Variants in MEIKIN observed in about 807,000 individuals in gnomAD.
MEIKIN encodes the protein meiotic kinetochore factor.
At chr5:131,928,904 A>G (rs1472559208) in intron 5 of MEIKIN, among the ~76,000 whole-genome samples, 1 of 152,164 alleles carries the variant, frequency 6.6e-6, no homozygotes, top group Non-Finnish European at 1.5e-5. Context: ...TATCTTTACC[A>G]ATGAGTCTTA....
chr5:131,869,639 C>T (rs150720254), intron 9 of MEIKIN, among the ~76,000 whole-genome samples: 1 of 152,322 alleles, frequency 6.6e-6, no homozygotes, highest in East Asian at 1.9e-4. Context: ...CTTTCTCTTC[C>T]CACTGCTAGA....
chr5:131,940,810 G>A (rs975615965), intron 4 of MEIKIN, among the ~76,000 whole-genome samples: 11 of 151,998 alleles, frequency 7.2e-5, no homozygotes, highest in Non-Finnish European at 1.3e-4. Flanking sequence ...GAAGTCTCAC[G>A]GTTCAGAGAG....
At chr5:131,828,055 A>G (rs889448770) in intron 11 of MEIKIN, among the ~76,000 whole-genome samples, 108 of 151,980 alleles carry the variant, frequency 7.1e-4, no homozygotes, top group African/African-American at 2.4e-3. Context: ...AAAAAAAATT[A>G]AGATTAGAAG....
intron 8 of MEIKIN, among the ~76,000 whole-genome samples, chr5:131,902,866 A>C (rs997956244): frequency 6.6e-6 from 1 of 152,200 alleles, no homozygotes; most frequent in African/African-American, 2.4e-5. Context: ...ATCGACATAC[A>C]GTAGAAAGTC....
chr5:131,823,298 C>T (rs184637347), intron 11 of MEIKIN, among the ~76,000 whole-genome samples: 1 of 152,036 alleles, frequency 6.6e-6, no homozygotes, highest in Non-Finnish European at 1.5e-5. Context: ...CTTTCTCTAC[C>T]TCCTCTTTAA....
intron 2 of MEIKIN, 22 bp from the exon 3 acceptor site, chr5:131,944,774 T>C (rs1580606843): frequency 2.5e-6 from 1 of 399,042 alleles, no homozygotes; most frequent in Non-Finnish European, 4.4e-6. Context: ...ACAACGCAAT[T>C]AGTTTGCACC....
chr5:131,833,487 G>T (rs1749747594), intron 11 of MEIKIN, among the ~76,000 whole-genome samples: 1 of 152,162 alleles, frequency 6.6e-6, no homozygotes, highest in Admixed American at 6.5e-5. Flanking sequence ...TCCAACTTCT[G>T]CCTGATACCC....
Position 131,821,630 on chromosome 5 carries a change from C to CTTTT in MEIKIN, c.976-2771_976-2768dup, listed in dbSNP as rs375765946. Among the ~76,000 whole-genome samples, 94 of 50,444 alleles carry CTTTT rather than the reference C, an allele frequency of 1.9e-3. 24 individuals carry two copies. Among genetic ancestry groups the CTTTT allele is most frequent in the African/African-American group, 0.011 (87 of 8,282 alleles). The allele number at this position is 50,444 out of a possible 152,430, so 33.1% of individuals were successfully genotyped here. A position where few individuals can be genotyped will look rare whatever the true frequency, so the allele number is the denominator to read the frequency against. On this transcript the variant is annotated intron_variant, in intron 11 of 12. Transcript: ENST00000442687. Reference sequence around the variant, plus strand: ...TAGCTATTGTTATATTGAGGTCTGCCTTTTTTTTTTTTTTTTTTTTTTTTT... The same window carrying CTTTT: ...TAGCTATTGTTATATTGAGGTCTGCCTTTTTTTTTTTTTTTTTTTTTTTTTTTTT...
At position 131,945,261 on chromosome 5, in the gene MEIKIN, C is replaced by A. The variant is rs1243444528; in HGVS notation, c.107-12G>T. The A allele has an allele frequency of 1.3e-5, 5 of 399,012 alleles. No individual in the cohort carries two copies. The highest frequency in any genetic ancestry group is 2.2e-5 in the Non-Finnish European group (5 of 226,134). The allele number at this position is 399,012 out of a possible 1,614,324, so 24.7% of individuals were successfully genotyped here. On this transcript the variant is annotated splice_polypyrimidine_tract_variant and intron_variant, in intron 1 of 12. Coordinates refer to ENST00000442687, the MANE Select transcript of MEIKIN (RefSeq NM_001303622.2). ...TTTTCTCTTCGAACCTGAGAGAGGG[C>A]GGCACGTTTCAGGGCAAGAAACCTA...
At position 131,929,032 on chromosome 5, in the gene MEIKIN, C is replaced by T. The variant is rs867423879; in HGVS notation, c.478+4481G>A. Among the ~76,000 whole-genome samples, 22 of 152,318 alleles carry T rather than the reference C, an allele frequency of 1.4e-4. 1 individual carries two copies. The Middle Eastern group carries it at 0.027, about 188-fold the overall frequency. ...CCTCTGCTTTTGTTTGTCTGGGAAACTCCTTGTCTCTCCATTTTTGAAAGA... is the reference window on the plus strand; with the variant it reads ...CCTCTGCTTTTGTTTGTCTGGGAAATTCCTTGTCTCTCCATTTTTGAAAGA... On this transcript the variant is annotated intron_variant, in intron 5 of 12. Transcript: ENST00000442687.
chr5:131,849,833 G>A (rs143656149), intron 11 of MEIKIN, among the ~76,000 whole-genome samples: 4 of 151,834 alleles, frequency 2.6e-5, no homozygotes, highest in South Asian at 2.1e-4. Flanking sequence ...GCAATTAGGC[G>A]ATTAGGAAAA....
intron 7 of MEIKIN, among the ~76,000 whole-genome samples, chr5:131,915,983 A>C (rs1462946475): frequency 1.3e-5 from 2 of 152,188 alleles, no homozygotes; most frequent in Non-Finnish European, 2.9e-5. Flanking sequence ...GGATCTACAA[A>C]GAAGTTATCG....
intron 5 of MEIKIN, among the ~76,000 whole-genome samples, chr5:131,924,861 A>G (rs1751563434): frequency 6.6e-6 from 1 of 152,084 alleles, no homozygotes; most frequent in Non-Finnish European, 1.5e-5. Flanking sequence ...CTTGTTGCCT[A>G]TACTTTTGGT....
chr5:131,898,554 G>A (rs779658871), intron 8 of MEIKIN, among the ~76,000 whole-genome samples: 70 of 152,352 alleles, frequency 4.6e-4, no homozygotes, highest in Middle Eastern at 3.4e-3. Flanking sequence ...GACGCAGTAA[G>A]CCTTGCTGAG....
intron 8 of MEIKIN, among the ~76,000 whole-genome samples, chr5:131,906,059 GC>G (rs1335973877): frequency 6.6e-6 from 1 of 152,084 alleles, no homozygotes; most frequent in African/African-American, 2.4e-5. Context: ...CTTCTGCACA[GC>G]AAAAGAAACT....
chr5:131,900,321 AG>A (rs1751134240), intron 8 of MEIKIN, among the ~76,000 whole-genome samples: 1 of 152,194 alleles, frequency 6.6e-6, no homozygotes, highest in African/African-American at 2.4e-5. Context: ...CATAGATGCT[AG>A]GCTAAAGGAA....
intron 11 of MEIKIN, among the ~76,000 whole-genome samples, chr5:131,835,131 T>TC: frequency 6.7e-6 from 1 of 149,338 alleles, no homozygotes; most frequent in Non-Finnish European, 1.5e-5. Flanking sequence ...CATTTTTTAA[T>TC]CTAGCTATTT....
chr5:131,883,549 G>A (rs374321607), intron 8 of MEIKIN, among the ~76,000 whole-genome samples: 54 of 152,268 alleles, frequency 3.5e-4, no homozygotes, highest in African/African-American at 1.1e-3. Context: ...CCTGGCACAC[G>A]GTTGAAACAC....
At chr5:131,834,315 C>T (rs1302205871) in intron 11 of MEIKIN, among the ~76,000 whole-genome samples, 1 of 152,198 alleles carries the variant, frequency 6.6e-6, no homozygotes, top group African/African-American at 2.4e-5. Context: ...CATCCATCAA[C>T]ACACAGCTTC....
Sources: gnomAD v4.1 joint callset for allele counts (sites outside exome capture counted in the v4.1 genomes callset) on GRCh38, gnomAD v4.1.1 for gene constraint, MANE v1.5 for transcripts, NCBI Gene and HGNC (gene_info 2026-07-23, HGNC 2026-07-21) for gene names.